The following UNC13B variants were observed in gnomAD, a reference collection of about 807,000 sequenced individuals.
UNC13B encodes the protein protein unc-13 homolog B.
A neutral mutation model predicts 211.0 loss-of-function variants in UNC13B; 144 were observed. That is an observed-to-expected ratio of 0.68 (90% CI 0.60 to 0.78). The LOEUF (loss-of-function observed/expected upper bound fraction) is 0.78. Among genes scored for constraint, UNC13B ranks in the 30% least tolerant of loss-of-function variants. The pLI is 0.00. For missense variants in UNC13B, 1,777 were observed against 2,002.0 expected (o/e 0.89, Z 2.14); for synonymous variants, 709 against 725.8 (o/e 0.98, Z 0.37).
chr9:35,372,523 GCC>G (rs1403628771), intron 13 of UNC13B, among the ~76,000 whole-genome samples: 3 of 88,854 alleles, frequency 3.4e-5, no homozygotes, highest in African/African-American at 8.8e-5. Context: ...GATACATGGG[GCC>G]CCTGTGCAAG....
intron 11 of UNC13B, chr9:35,351,684 C>T (rs1832730705): frequency 5.7e-6 from 7 of 1,232,290 alleles, no homozygotes; most frequent in Non-Finnish European, 7.1e-6. Context: ...AACTCCCTGC[C>T]CCCTTGCTGT....
rs1312110875 is a variant in UNC13B at position 35,353,163 on chromosome 9, A to G, written c.9415-13784A>G. The G allele has an allele frequency of 3.2e-6, 4 of 1,232,006 alleles. No individual in the cohort carries two copies. The Admixed American group carries it at 1.7e-4, about 52-fold the overall frequency. The allele number at this position is 1,232,006 out of a possible 1,614,324, so 76.3% of individuals were successfully genotyped here. ...GACATGGTTCATATTGACCTGAATGAAGAGGAGGAATGTGCTGCTCACGTC... is the reference window on the plus strand; with the variant it reads ...GACATGGTTCATATTGACCTGAATGGAGAGGAGGAATGTGCTGCTCACGTC... On this transcript the variant is annotated intron_variant, in intron 11 of 39. Transcript: ENST00000635942.
At chr9:35,390,122 G>T in intron 25 of UNC13B, 149 bp downstream of exon 25, 1 of 1,436,362 alleles carries the variant, frequency 7.0e-7, no homozygotes. Flanking sequence ...ATCTGTCTGG[G>T]TAACTGTTTC....
At chr9:35,185,765 C>CA (rs202222034) in intron 1 of UNC13B, among the ~76,000 whole-genome samples, 3,477 of 124,904 alleles carry the variant, frequency 0.028, 41 homozygotes, top group Non-Finnish European at 0.032. Context: ...TATTAAAATA[C>CA]AAAAAAAAAA....
At chr9:35,227,324 C>T (rs1824904891) in intron 1 of UNC13B, among the ~76,000 whole-genome samples, 1 of 152,166 alleles carries the variant, frequency 6.6e-6, no homozygotes, top group African/African-American at 2.4e-5. Context: ...GCATCCTTTC[C>T]AGGTTTTGTG....
chr9:35,210,998 T>G (rs542166599), intron 1 of UNC13B, among the ~76,000 whole-genome samples: 1 of 152,264 alleles, frequency 6.6e-6, no homozygotes, highest in Admixed American at 6.5e-5. Context: ...GCCTTCCAAG[T>G]AGCTGGGACT....
rs1367497886 is a variant in UNC13B at position 35,302,174 on chromosome 9, A to G, written c.2770A>G (p.Lys924Glu). The change falls in exon 9 of 40, where the codon AAA (lysine) becomes GAA (glutamate). Residue 924 changes from lysine to glutamate, a missense_variant. Lys to Glu is a moderately conservative substitution (Grantham distance 56). Transcript: ENST00000635942. ...CAAAAAAAATTGCCATGAAGATACC[A>G]AACATAGTTCAATAAAATCTAGTTC... ...ESKKNCHEDT[K>E]HSSIKSSSVP... is the part of the protein sequence containing the mutation. 2.5e-6 allele frequency: 1 copy of G among 398,688 alleles called. No homozygotes were observed. The highest frequency in any genetic ancestry group is 3.6e-5 in the East Asian group (1 of 28,076). The allele number at this position is 398,688 out of a possible 1,614,324, so 24.7% of individuals were successfully genotyped here. A position where few individuals can be genotyped will look rare whatever the true frequency, so the allele number is the denominator to read the frequency against.
At position 35,310,717 on chromosome 9, in the gene UNC13B, G is replaced by A. The variant is rs757233483; in HGVS notation, c.9259G>A (p.Ala3087Thr). 1 of 1,613,990 alleles carries A rather than the reference G, an allele frequency of 6.2e-7. No individual in the cohort carries two copies. Among genetic ancestry groups the A allele is most frequent in the Non-Finnish European group, 8.5e-7 (1 of 1,179,978 alleles). Residue 3087 changes from alanine (A) to threonine (T), a missense_variant, in exon 10 of 40, where the codon GCC becomes ACC. Transcript: ENST00000635942. ...TGAACCCAAGGAGATGAAAGAAGATGCCACAACCCACCCTCCCCCAGATCT... is the reference window on the plus strand; with the variant it reads ...TGAACCCAAGGAGATGAAAGAAGATACCACAACCCACCCTCCCCCAGATCT... ...ACEPKEMKED[A>T]TTHPPPDLVL...
At chr9:35,214,868 A>G (rs773673989) in intron 1 of UNC13B, among the ~76,000 whole-genome samples, 6 of 152,232 alleles carry the variant, frequency 3.9e-5, no homozygotes, top group Non-Finnish European at 8.8e-5. Flanking sequence ...TAAAATAGAC[A>G]TTTCAGACAA....
intron 1 of UNC13B, among the ~76,000 whole-genome samples, chr9:35,181,854 A>G (rs1281114214): frequency 6.6e-6 from 1 of 152,160 alleles, no homozygotes; most frequent in Non-Finnish European, 1.5e-5. Flanking sequence ...AAATAAATAC[A>G]TAAAAAATAA....
chr9:35,236,670 T>G, intron 4 of UNC13B, 84 bp downstream of exon 4: 1 of 1,208,640 alleles, frequency 8.3e-7, no homozygotes, highest in Non-Finnish European at 1.2e-6. Flanking sequence ...CTAATATTCA[T>G]CCATGCATCT....
intron 11 of UNC13B, among the ~76,000 whole-genome samples, chr9:35,327,874 C>T (rs150745197): frequency 6.6e-6 from 1 of 152,328 alleles, no homozygotes; most frequent in East Asian, 1.9e-4. Context: ...CTAATATACG[C>T]ATCTAGCTCC....
At chr9:35,254,323 C>T (rs762565851) in intron 6 of UNC13B, among the ~76,000 whole-genome samples, 9 of 152,216 alleles carry the variant, frequency 5.9e-5, no homozygotes, top group Non-Finnish European at 1.2e-4. Context: ...AATCAAGGCA[C>T]TGGCACATTC....
intron 7 of UNC13B, among the ~76,000 whole-genome samples, chr9:35,289,998 T>C (rs1010720649): frequency 2.6e-5 from 4 of 152,036 alleles, no homozygotes; most frequent in African/African-American, 9.7e-5. Flanking sequence ...ACCCATATTC[T>C]TAATTATGAA....
chr9:35,225,353 G>T (rs2131474599), intron 1 of UNC13B, among the ~76,000 whole-genome samples: 1 of 152,226 alleles, frequency 6.6e-6, no homozygotes, highest in Middle Eastern at 3.4e-3. Context: ...TAGAGATGGG[G>T]TTTCCCATGT....
At chr9:35,273,922 T>A (rs890224401) in intron 7 of UNC13B, among the ~76,000 whole-genome samples, 1 of 152,218 alleles carries the variant, frequency 6.6e-6, no homozygotes, top group Non-Finnish European at 1.5e-5. Flanking sequence ...TCTTTTATTC[T>A]GGACCCACCA....
chr9:35,216,745 A>C (rs2131439801), intron 1 of UNC13B, among the ~76,000 whole-genome samples: 1 of 152,328 alleles, frequency 6.6e-6, no homozygotes, highest in South Asian at 2.1e-4. Flanking sequence ...ATAGAAAATA[A>C]AATGTCAGAC....
chr9:35,280,065 G>T (rs537139139), intron 7 of UNC13B, among the ~76,000 whole-genome samples: 14 of 151,966 alleles, frequency 9.2e-5, no homozygotes, highest in African/African-American at 3.4e-4. Context: ...TTTAACTTCT[G>T]TCTTTCTGCT....
chr9:35,228,667 A>T (rs1375887367), intron 2 of UNC13B, among the ~76,000 whole-genome samples: 1 of 150,854 alleles, frequency 6.6e-6, no homozygotes, highest in Admixed American at 6.6e-5. Context: ...AACATATCTT[A>T]TGCAACCTGC....
Sources: allele counts gnomAD v4.1 joint callset (sites outside exome capture counted in the v4.1 genomes callset), GRCh38; gene constraint gnomAD v4.1.1; transcripts MANE v1.5; gene names NCBI Gene and HGNC (gene_info 2026-07-23, HGNC 2026-07-21).